Variants in KLHDC3 observed in about 807,000 individuals in gnomAD.
KLHDC3 encodes kelch domain-containing protein 3.
A neutral mutation model predicts 44.1 loss-of-function variants in KLHDC3; 5 were observed. The ratio of observed to expected loss-of-function variants is 0.11; its 90% CI spans 0.06 to 0.24. The LOEUF (loss-of-function observed/expected upper bound fraction) is 0.24. Ranked by LOEUF, KLHDC3 falls within the 10% of genes least tolerant of loss-of-function variation. The pLI is 1.00. For missense variants in KLHDC3, 247 were observed against 514.3 expected (o/e 0.48, Z 5.03); for synonymous variants, 170 against 189.0 (o/e 0.90, Z 0.82).
chr6:43,020,894 G>A lies in KLHDC3; in HGVS notation c.*161G>A, dbSNP rs1762676794. On this transcript the variant is annotated 3_prime_UTR_variant, in exon 11 of 11. Transcript: ENST00000326974. The stretch of plus-strand genomic sequence containing the variant: ...TGTGCTGTGAATTCAGTGGGGAGCT[G>A]TAGCGGGGTGGGGGCTAGGTTCCTC... The A allele has an allele frequency of 5.4e-5, 37 of 689,864 alleles. No individual in the cohort carries two copies. In the South Asian group the frequency reaches 5.7e-4, roughly 11 times the overall value. 42.7% of individuals were successfully genotyped at this position (689,864 alleles called of 1,614,324 possible).
At chr6:43,014,543 A>G (rs1199431120) in intron 1 of KLHDC3, 195 bp downstream of exon 1, 4 of 464,570 alleles carry the variant, frequency 8.6e-6, no homozygotes, top group African/African-American at 6.0e-5. Flanking sequence ...GGTAGGAGAG[A>G]CCTGGTGTCT....
chr6:43,014,425 G>T (rs2150288892), intron 1 of KLHDC3, 77 bp downstream of exon 1: 3 of 542,300 alleles, frequency 5.5e-6, no homozygotes, highest in Non-Finnish European at 1.0e-5. Flanking sequence ...AGTGGCGGGG[G>T]AGGGGCCTGA....
rs545376855 is a variant in KLHDC3, at chr6:43,017,091, A to G, written c.-59-43A>G. ...TGGGCAGAGTCACAGTGAGCTGGGC[A>G]GAAGCCTCGCCTGAGGATCCCGTGG... is the stretch of plus-strand genomic sequence containing the variant. On this transcript the variant is annotated intron_variant, in intron 1 of 10. Transcript: ENST00000326974. This position sits in a 1 kb window ranked among gnomAD's most constrained non-coding sequence, Gnocchi z 6.0. The G allele has an allele frequency of 2.0e-4, 275 of 1,382,916 alleles. No homozygotes were observed. The Middle Eastern group carries it at 3.1e-3, about 15-fold the overall frequency. 85.7% of individuals were successfully genotyped at this position (1,382,916 alleles called of 1,614,324 possible). A position where few individuals can be genotyped will look rare whatever the true frequency, so the allele number is the denominator to read the frequency against.
intron 1 of KLHDC3, chr6:43,016,878 A>C (rs1339953184): frequency 2.6e-6 from 1 of 386,346 alleles, no homozygotes; most frequent in African/African-American, 2.0e-5. Flanking sequence ...TGATATGCAG[A>C]TTCTGAGCTG....
chr6:43,017,718 C>A lies in KLHDC3; in HGVS notation c.331+23C>A. 6.2e-7 allele frequency: 1 copy of A among 1,606,408 alleles called. No homozygotes were observed. The highest frequency in any genetic ancestry group is 8.5e-7 in the Non-Finnish European group (1 of 1,174,808). ...TCAGTGAGTATGGATCTCAGAGAGG[C>A]TATGTCCTTCCAGATGTTGCCTCAG... On this transcript the variant is annotated intron_variant, in intron 3 of 10. Transcript: ENST00000326974. This position sits in a 1 kb window ranked among gnomAD's most constrained non-coding sequence, Gnocchi z 6.0.
Position 43,018,389 on chromosome 6 carries a change from G to C in KLHDC3, c.566G>C (p.Gly189Ala). The change falls in exon 6 of 11, where the codon GGA becomes GCA. Residue 189 changes from glycine to alanine, a missense_variant. This residue lies in a region of KLHDC3 where 176 missense variants were observed against 413.5 expected (regional missense o/e 0.43). Coordinates refer to ENST00000326974, the MANE Select transcript of KLHDC3 (RefSeq NM_057161.4). The surrounding 1 kb of genome is among the most constrained non-coding windows in gnomAD (Gnocchi z 6.0). ...GACTTCCACTCAGCCACAATGCTGGGAAGTCACATGTATGTCTTTGGGGGC... is the reference window on the plus strand; with the variant it reads ...GACTTCCACTCAGCCACAATGCTGGCAAGTCACATGTATGTCTTTGGGGGC... ...WRDFHSATML[G>A]SHMYVFGGRA... 1 of 1,614,116 alleles carries C rather than the reference G, an allele frequency of 6.2e-7. No individual in the cohort carries two copies. Among genetic ancestry groups the C allele is most frequent in the Non-Finnish European group, 8.5e-7 (1 of 1,180,034 alleles).
Position 43,017,281 on chromosome 6 carries a change from G to A in KLHDC3, c.89G>A (p.Gly30Glu). 1 of 1,614,188 alleles carries A rather than the reference G, an allele frequency of 6.2e-7. No homozygotes were observed. Residue 30 changes from glycine (G) to glutamate (E), a missense_variant, in exon 2 of 11, where the codon GGG becomes GAG. Physicochemically the swap from Gly to Glu is moderately conservative, Grantham distance 98. Transcript: ENST00000326974. The surrounding 1 kb of genome is among the most constrained non-coding windows in gnomAD (Gnocchi z 6.0). ...GTCGGGCATCGGGTATACTCCTTCG[G>A]GGGTTACTGCTCTGGTGAAGACTAT... is the stretch of plus-strand genomic sequence containing the variant. ...VAVGHRVYSFGGYCSGEDYET... is the reference protein window; with the variant it reads ...VAVGHRVYSFEGYCSGEDYET...
chr6:43,014,515 G>GAGGATGGCGAGGAGATGGGT (rs1283117210), intron 1 of KLHDC3, 167 bp downstream of exon 1: 1 of 473,914 alleles, frequency 2.1e-6, no homozygotes, highest in Non-Finnish European at 4.2e-6. Context: ...AGGGCTAGGG[G>GAGGATGGCGAGGAGATGGGT]AGGATGGCGA....
chr6:43,017,827 T>C lies in KLHDC3; in HGVS notation c.332-26T>C. The C allele has an allele frequency of 6.2e-7, 1 of 1,601,524 alleles. No individual in the cohort carries two copies. Among genetic ancestry groups the C allele is most frequent in the South Asian group, 1.1e-5 (1 of 90,870 alleles). ...AGGGACTGTCATAGAGGGTGCTTAG[T>C]TGAGCCATTTTCTCATCTCCTTCAG... On this transcript the variant is annotated intron_variant, in intron 3 of 10. Transcript: ENST00000326974. The surrounding 1 kb of genome is among the most constrained non-coding windows in gnomAD (Gnocchi z 6.0).
chr6:43,016,047 T>A (rs1003611761), intron 1 of KLHDC3, among the ~76,000 whole-genome samples: 1 of 151,234 alleles, frequency 6.6e-6, no homozygotes, highest in East Asian at 2.0e-4. Context: ...GCAATTCTCC[T>A]GCCTCAGCCT....
In KLHDC3 at chr6:43,019,358, T is replaced by C; in HGVS notation, c.1074T>C (p.His358=). 1 of 1,611,232 alleles carries C rather than the reference T, an allele frequency of 6.2e-7. No individual in the cohort carries two copies. Among genetic ancestry groups the C allele is most frequent in the Non-Finnish European group, 8.5e-7 (1 of 1,177,406 alleles). Residue 358 remains histidine, a synonymous_variant, in exon 10 of 11, where the codon CAT becomes CAC. Transcript: ENST00000326974. ...QYNLDQSCLP[H]DIRWELNAMT... is the part of the protein sequence containing the mutation. Reference sequence around the variant, plus strand: ...ACCTAGACCAGTCCTGTTTGCCTCATGATATCAGGTACAGCGAGTGGTTGG... The same window carrying C: ...ACCTAGACCAGTCCTGTTTGCCTCACGATATCAGGTACAGCGAGTGGTTGG...
intron 10 of KLHDC3, 92 bp from the exon 11 acceptor site, chr6:43,020,575 A>G (rs1486097834): frequency 2.1e-5 from 21 of 995,458 alleles, no homozygotes; most frequent in Admixed American, 1.2e-4. Context: ...AGGAAGTTGG[A>G]GAGACTGGTG....
At chr6:43,020,013 T>G (rs1378524358) in intron 10 of KLHDC3, among the ~76,000 whole-genome samples, 1 of 151,970 alleles carries the variant, frequency 6.6e-6, no homozygotes, top group Admixed American at 6.6e-5. Context: ...CTGTCTATAC[T>G]AAAAATACAA....
At chr6:43,019,394 T>C (rs1343141809) in intron 10 of KLHDC3, 28 bp downstream of exon 10, 1 of 1,515,318 alleles carries the variant, frequency 6.6e-7, no homozygotes, top group African/African-American at 1.4e-5. Context: ...AAGGGAGGGA[T>C]TGAGTGAGGG....
intron 9 of KLHDC3, 27 bp downstream of exon 9, chr6:43,019,192 C>T (rs758341889): frequency 6.4e-7 from 1 of 1,570,880 alleles, no homozygotes; most frequent in Non-Finnish European, 8.8e-7. Context: ...CTGAATTGCT[C>T]CTGCCATCAA....
At position 43,020,648 on chromosome 6, in the gene KLHDC3, C is replaced by T. The variant is rs1373265661; in HGVS notation, c.1083-19C>T. ...TGAGGGCCCCCTCTTCTTTCTGTCT[C>T]TTATTGTTGGCCTTCCAGGTGGGAG... On this transcript the variant is annotated intron_variant, in intron 10 of 10. Coordinates refer to ENST00000326974, the MANE Select transcript of KLHDC3 (RefSeq NM_057161.4). 6.2e-7 allele frequency: 1 copy of T among 1,608,076 alleles called. No individual in the cohort carries two copies. Among genetic ancestry groups the T allele is most frequent in the Non-Finnish European group, 8.5e-7 (1 of 1,174,690 alleles).
At position 43,019,320 on chromosome 6, in the gene KLHDC3, G is replaced by A. The variant is rs780930534; in HGVS notation, c.1036G>A (p.Val346Met). ...TCTGAAGACTCTGTGCAAACTGGCC[G>A]TGATTCAGTATAACCTAGACCAGTC... ...PSLKTLCKLAVIQYNLDQSCL... is the reference protein window; with the variant it reads ...PSLKTLCKLAMIQYNLDQSCL... The change falls in exon 10 of 11, where the codon GTG becomes ATG. Residue 346 changes from valine to methionine, a missense_variant. Val to Met is a conservative substitution (Grantham distance 21, BLOSUM62 1). Around this residue, in one of 2 missense-constraint regions of KLHDC3, gnomAD observed 176 missense variants for 413.5 expected, o/e 0.43. Coordinates refer to ENST00000326974, the MANE Select transcript of KLHDC3 (RefSeq NM_057161.4). The A allele has an allele frequency of 2.5e-6, 4 of 1,613,744 alleles. No homozygotes were observed. The highest frequency in any genetic ancestry group is 3.4e-6 in the Non-Finnish European group (4 of 1,179,796).
Position 43,017,317 on chromosome 6 carries a change from G to A in KLHDC3, c.125G>A (p.Arg42His), listed in dbSNP as rs1399149557. Residue 42 changes from arginine to histidine, a missense_variant, in exon 2 of 11, where the codon CGT becomes CAT. This residue lies in a region of KLHDC3 where 71 missense variants were observed against 100.8 expected (regional missense o/e 0.70). Transcript: ENST00000326974. The surrounding 1 kb of genome is among the most constrained non-coding windows in gnomAD (Gnocchi z 6.0). ...TCTGGTGAAGACTATGAGACACTGC[G>A]TCAGATAGATGTGCACATTTTCAAT... ...YCSGEDYETL[R>H]QIDVHIFNAV... 11 of 1,613,930 alleles carry A rather than the reference G, an allele frequency of 6.8e-6. No homozygotes were observed. The highest frequency in any genetic ancestry group is 3.3e-5 in the Admixed American group (2 of 59,978).
At position 43,017,199 on chromosome 6, in the gene KLHDC3, C is replaced by A. The variant is rs893327225; in HGVS notation, c.7C>A (p.Arg3=). The change falls in exon 2 of 11, where the codon CGG becomes AGG. Residue 3 remains arginine, a synonymous_variant. Transcript: ENST00000326974. The surrounding 1 kb of genome is among the most constrained non-coding windows in gnomAD (Gnocchi z 6.0). The part of the protein sequence containing the change: ML[R]WTVHLEGGPR... Reference sequence around the variant, plus strand: ...GTAACCAGTGGCCCAGGGGATGTTACGGTGGACAGTGCACCTGGAGGGCGG... The same window carrying A: ...GTAACCAGTGGCCCAGGGGATGTTAAGGTGGACAGTGCACCTGGAGGGCGG... The A allele has an allele frequency of 6.2e-7, 1 of 1,612,658 alleles. No homozygotes were observed. The highest frequency in any genetic ancestry group is 8.5e-7 in the Non-Finnish European group (1 of 1,179,612).
Sources: gnomAD v4.1 joint callset for allele counts (sites outside exome capture counted in the v4.1 genomes callset) on GRCh38, gnomAD v4.1.1 for gene constraint, gnomAD v4.1.1 regional missense constraint, Gnocchi (gnomAD v3.1) non-coding constraint, MANE v1.5 for transcripts, NCBI Gene and HGNC (gene_info 2026-07-23, HGNC 2026-07-21) for gene names.